SLC39A11: variants seen among roughly 807,000 people sequenced by gnomAD.
SLC39A11 encodes zinc transporter ZIP11.
A neutral mutation model predicts 36.1 loss-of-function variants in SLC39A11; 33 were observed. The observed-to-expected ratio is 0.91, with a 90% CI of 0.69 to 1.22. The LOEUF (loss-of-function observed/expected upper bound fraction) is 1.22, where lower values mean the gene tolerates loss of function less well. Ranked by LOEUF, SLC39A11 falls within the 50% of genes most tolerant of loss-of-function variation. SLC39A11 has a pLI of 0.00. For synonymous variants in SLC39A11, 166 were observed against 170.3 expected (o/e 0.97, Z 0.20); for missense variants, 432 against 430.3 (o/e 1.00, Z -0.03).
intron 3 of SLC39A11, among the ~76,000 whole-genome samples, chr17:73,045,324 C>G (rs923974965): frequency 1.4e-5 from 2 of 142,724 alleles, no homozygotes; most frequent in East Asian, 2.2e-4. Context: ...CCAAGACATA[C>G]CTGGGTTTCA....
chr17:73,068,951 G>A (rs1599129229), intron 3 of SLC39A11, among the ~76,000 whole-genome samples: 1 of 152,104 alleles, frequency 6.6e-6, no homozygotes, highest in South Asian at 2.1e-4. Context: ...CTAGAGAACA[G>A]AGCACAACTC....
intron 7 of SLC39A11, among the ~76,000 whole-genome samples, chr17:72,731,627 C>T (rs2074219394): frequency 6.6e-6 from 1 of 152,066 alleles, no homozygotes; most frequent in Non-Finnish European, 1.5e-5. Context: ...CCTGTGTACC[C>T]TGCCCTCAGT....
chr17:73,050,482 G>A (rs1158153149), intron 3 of SLC39A11, among the ~76,000 whole-genome samples: 1 of 70,186 alleles, frequency 1.4e-5, no homozygotes, highest in Non-Finnish European at 2.7e-5. Flanking sequence ...TTTTTTTTTT[G>A]AGACACAGTT....
intron 6 of SLC39A11, among the ~76,000 whole-genome samples, chr17:72,815,500 C>A (rs1312225625): frequency 1.3e-5 from 2 of 152,164 alleles, no homozygotes; most frequent in East Asian, 3.9e-4. Context: ...GCCTGTAATC[C>A]CAGCTACTTG....
rs866188214 is a variant in SLC39A11, at chr17:73,023,477, T to A, written c.306+8079A>T. On this transcript the variant is annotated intron_variant, in intron 4 of 9. Coordinates refer to ENST00000255559, the MANE Select transcript of SLC39A11 (RefSeq NM_139177.4). ...GTGTCCAATCAAAATGGTGCTGGTT[T>A]TTTTTGTTGTTGTTTGTTTGTTTTG... Among the ~76,000 whole-genome samples, 537 of 152,096 alleles carry A rather than the reference T, an allele frequency of 3.5e-3. 5 individuals are homozygous for A. The highest frequency in any genetic ancestry group is 0.012 in the African/African-American group (489 of 41,488).
chr17:72,736,643 G>C lies in SLC39A11; in HGVS notation c.671+7C>G. The stretch of plus-strand genomic sequence containing the variant: ...CCATGCTCTAGGGTCCCAGGATGCT[G>C]GCTTACCTGGCACTCTCAAAGGTAG... On this transcript the variant is annotated splice_region_variant and intron_variant, in intron 7 of 9. Coordinates refer to ENST00000255559, the MANE Select transcript of SLC39A11 (RefSeq NM_139177.4). 6.2e-7 allele frequency: 1 copy of C among 1,613,426 alleles called. No individual in the cohort carries two copies. Among genetic ancestry groups the C allele is most frequent in the Non-Finnish European group, 8.5e-7 (1 of 1,179,430 alleles).
chr17:72,774,322 C>A (rs2076058512), intron 6 of SLC39A11, among the ~76,000 whole-genome samples: 1 of 152,182 alleles, frequency 6.6e-6, no homozygotes, highest in African/African-American at 2.4e-5. Context: ...TTATGTCTTG[C>A]TCCTGAGAAA....
At chr17:72,936,530 T>A (rs2084773758) in intron 5 of SLC39A11, among the ~76,000 whole-genome samples, 2 of 152,050 alleles carry the variant, frequency 1.3e-5, no homozygotes, top group South Asian at 4.2e-4. Flanking sequence ...GGGCCTCACT[T>A]TCTTTATCCA....
intron 6 of SLC39A11, among the ~76,000 whole-genome samples, chr17:72,763,647 C>G (rs1403679770): frequency 6.6e-6 from 1 of 152,196 alleles, no homozygotes; most frequent in Middle Eastern, 3.2e-3. Context: ...ATTCACCCAT[C>G]CATGTAGGTT....
intron 5 of SLC39A11, among the ~76,000 whole-genome samples, chr17:72,865,590 T>C (rs974123669): frequency 2.0e-5 from 3 of 148,974 alleles, no homozygotes; most frequent in Admixed American, 2.0e-4. Flanking sequence ...TAAAAAAAAA[T>C]ACGCTCCCAT....
At chr17:72,893,468 A>T (rs186607908) in intron 5 of SLC39A11, among the ~76,000 whole-genome samples, 1,784 of 151,926 alleles carry the variant, frequency 0.012, 10 homozygotes, top group Non-Finnish European at 0.014. Flanking sequence ...AGGGAAAAAA[A>T]ATATATATAT....
chr17:72,660,831 A>G (rs1295566800), intron 7 of SLC39A11, among the ~76,000 whole-genome samples: 1 of 152,140 alleles, frequency 6.6e-6, no homozygotes, highest in African/African-American at 2.4e-5. Flanking sequence ...CTCGGCTCCT[A>G]TCTGCTAGAT....
intron 4 of SLC39A11, among the ~76,000 whole-genome samples, chr17:73,019,577 C>T (rs1696697539): frequency 6.6e-6 from 1 of 152,120 alleles, no homozygotes; most frequent in Non-Finnish European, 1.5e-5. Context: ...GTTAAGGAAA[C>T]TGTAATCCCT....
At chr17:72,764,476 T>C (rs2075696265) in intron 6 of SLC39A11, among the ~76,000 whole-genome samples, 1 of 152,084 alleles carries the variant, frequency 6.6e-6, no homozygotes, top group Non-Finnish European at 1.5e-5. Flanking sequence ...AACTGTAGGA[T>C]TGGTTAGGGG....
intron 7 of SLC39A11, among the ~76,000 whole-genome samples, chr17:72,693,719 A>G (rs1023744348): frequency 3.7e-4 from 57 of 152,068 alleles, no homozygotes; most frequent in African/African-American, 1.2e-3. Flanking sequence ...CTGGAGTACA[A>G]TGGCGCAATC....
chr17:72,815,050 C>A (rs1423820811), intron 6 of SLC39A11, among the ~76,000 whole-genome samples: 1 of 152,204 alleles, frequency 6.6e-6, no homozygotes. Context: ...TTGTCCACTG[C>A]AGGCTGCCAA....
chr17:72,865,849 C>T (rs764613799), intron 5 of SLC39A11, among the ~76,000 whole-genome samples: 3 of 152,118 alleles, frequency 2.0e-5, no homozygotes, highest in Non-Finnish European at 2.9e-5. Context: ...AAAAAACAGA[C>T]GAACCCACTC....
chr17:72,765,166 G>A (rs747133321), intron 6 of SLC39A11, among the ~76,000 whole-genome samples: 8 of 152,114 alleles, frequency 5.3e-5, no homozygotes, highest in Admixed American at 3.9e-4. Flanking sequence ...AAAGATATGC[G>A]ACTTCCCCAG....
At chr17:72,933,102 G>A (rs1409464218) in intron 5 of SLC39A11, among the ~76,000 whole-genome samples, 1 of 152,128 alleles carries the variant, frequency 6.6e-6, no homozygotes, top group Admixed American at 6.5e-5. Flanking sequence ...AATCAGGTAA[G>A]AAAATGAAAT....
Sources: gnomAD v4.1 joint callset for allele counts (sites outside exome capture counted in the v4.1 genomes callset) on GRCh38, gnomAD v4.1.1 for gene constraint, MANE v1.5 for transcripts, NCBI Gene and HGNC (gene_info 2026-07-23, HGNC 2026-07-21) for gene names.